The following CBFA2T3 variants were observed in gnomAD, a reference collection of about 807,000 sequenced individuals.
The protein encoded by CBFA2T3 is CBFA2/RUNX1 partner transcriptional co-repressor 3, also known as transcriptional corepressor CBFA2T3.
Under a neutral mutation model 58.6 loss-of-function variants are expected in CBFA2T3, and 31 were observed. That is an observed-to-expected ratio of 0.53 (90% CI 0.40 to 0.71). The LOEUF (loss-of-function observed/expected upper bound fraction) is 0.71. Ranked by LOEUF, CBFA2T3 falls within the 30% of genes least tolerant of loss-of-function variation. The probability of loss-of-function intolerance (pLI) is 0.00; values close to 1 mark genes in which losing one functional copy is unlikely to be tolerated. For synonymous variants in CBFA2T3, 531 were observed against 421.9 expected (o/e 1.26, Z -3.17); for missense variants, 1,076 against 963.1 (o/e 1.12, Z -1.55).
intron 1 of CBFA2T3, among the ~76,000 whole-genome samples, chr16:88,956,449 C>G (rs189700521): frequency 6.6e-6 from 1 of 152,374 alleles, no homozygotes; most frequent in Non-Finnish European, 1.5e-5. Context: ...AGGCTCAGAG[C>G]CCAGCAGCTC....
At chr16:88,973,870 C>T (rs542188349) in intron 1 of CBFA2T3, among the ~76,000 whole-genome samples, 1 of 152,000 alleles carries the variant, frequency 6.6e-6, no homozygotes, top group Non-Finnish European at 1.5e-5. Flanking sequence ...TGCCCAGTCC[C>T]CATAACATCT....
At chr16:88,877,815 G>A (rs1010618946) in intron 11 of CBFA2T3, among the ~76,000 whole-genome samples, 4 of 152,234 alleles carry the variant, frequency 2.6e-5, no homozygotes, top group Admixed American at 1.3e-4. Flanking sequence ...CAAAAAGCCT[G>A]TGGGCAGAGC....
At chr16:88,964,467 A>G (rs1298926736) in intron 1 of CBFA2T3, among the ~76,000 whole-genome samples, 1 of 152,144 alleles carries the variant, frequency 6.6e-6, no homozygotes, top group Non-Finnish European at 1.5e-5. Context: ...GTTGCAAGCT[A>G]CTTGTTGTTC....
intron 1 of CBFA2T3, chr16:88,902,307 AAGAC>A (rs1970130544): frequency 6.6e-6 from 1 of 152,290 alleles, no homozygotes; most frequent in Non-Finnish European, 1.5e-5. Context: ...CAGGACAGCC[AAGAC>A]AGAGGCGGCA....
intron 1 of CBFA2T3, among the ~76,000 whole-genome samples, chr16:88,920,053 G>A (rs1412778651): frequency 1.3e-5 from 2 of 152,238 alleles, no homozygotes; most frequent in Non-Finnish European, 2.9e-5. Flanking sequence ...CCCGCTCCCT[G>A]GGGTGGGCGT....
At chr16:88,883,014 G>A (rs1174864087) in intron 7 of CBFA2T3, among the ~76,000 whole-genome samples, 2 of 152,218 alleles carry the variant, frequency 1.3e-5, no homozygotes, top group Non-Finnish European at 2.9e-5. Flanking sequence ...TTCAGTCTCA[G>A]TCCCATTCTG....
At chr16:88,967,434 T>C (rs541281834) in intron 1 of CBFA2T3, among the ~76,000 whole-genome samples, 6 of 151,928 alleles carry the variant, frequency 3.9e-5, no homozygotes, top group African/African-American at 1.4e-4. Flanking sequence ...TGCGTCCACC[T>C]GTTCAGTTTT....
intron 1 of CBFA2T3, among the ~76,000 whole-genome samples, chr16:88,923,103 G>A (rs752867296): frequency 2.0e-5 from 3 of 152,178 alleles, no homozygotes; most frequent in Non-Finnish European, 2.9e-5. Context: ...TCCCCAATTC[G>A]CCAAATGTGG....
chr16:88,882,533 T>G, intron 8 of CBFA2T3, 143 bp downstream of exon 8: 1 of 640,196 alleles, frequency 1.6e-6, no homozygotes, highest in South Asian at 1.8e-5. Context: ...TGTGTGGGCA[T>G]GGCTGTGTGC....
chr16:88,940,066 CA>C lies in CBFA2T3; in HGVS notation c.151+36590del, dbSNP rs369398740. The C allele has an allele frequency of 2.9e-3, 438 of 153,016 alleles. 4 individuals carry two copies. The highest frequency in any genetic ancestry group is 0.022 in the East Asian group (115 of 5,192). The allele number at this position is 153,016 out of a possible 1,614,324, so 9.5% of individuals were successfully genotyped here. On this transcript the variant is annotated intron_variant, in intron 1 of 11. Transcript: ENST00000268679. ...AGAAGCCGCACCCTGGCTGGGGCCA[CA>C]AGCCTGACAGCTACCGACAAGCCCC...
At chr16:88,883,059 G>A (rs1176252812) in intron 7 of CBFA2T3, among the ~76,000 whole-genome samples, 1 of 152,232 alleles carries the variant, frequency 6.6e-6, no homozygotes, top group African/African-American at 2.4e-5. Context: ...AAGAGGATGT[G>A]TTTGCCTGTG....
Position 88,950,032 on chromosome 16 carries a change from G to A in CBFA2T3, c.151+26625C>T, listed in dbSNP as rs915716911. On this transcript the variant is annotated intron_variant, in intron 1 of 11. Transcript: ENST00000268679. ...AAAAAAGAAAAGAAAACGAAGGAAC[G>A]AAAACCCCCGCCACTCTCGAAGTCA... Among the ~76,000 whole-genome samples the A allele has an allele frequency of 1.6e-3, 242 of 151,152 alleles. 1 individual carries two copies. Among genetic ancestry groups the A allele is most frequent in the Non-Finnish European group, 4.4e-4 (30 of 67,566 alleles).
intron 3 of CBFA2T3, 45 bp from the exon 4 acceptor site, chr16:88,892,530 A>G (rs1476821307): frequency 1.2e-6 from 2 of 1,605,830 alleles, no homozygotes; most frequent in East Asian, 4.5e-5. Flanking sequence ...TGATGGTGAC[A>G]ACACAACCCA....
intron 1 of CBFA2T3, among the ~76,000 whole-genome samples, chr16:88,956,656 G>T (rs1383852690): frequency 6.6e-6 from 1 of 152,250 alleles, no homozygotes; most frequent in Non-Finnish European, 1.5e-5. Flanking sequence ...ACCCCAACCT[G>T]CAGCTGCCCC....
intron 5 of CBFA2T3, among the ~76,000 whole-genome samples, chr16:88,891,380 C>G (rs1185295568): frequency 6.6e-6 from 1 of 152,198 alleles, no homozygotes; most frequent in Non-Finnish European, 1.5e-5. Context: ...AAAGGACTTT[C>G]GGAATACTTC....
chr16:88,881,450 G>C lies in CBFA2T3; in HGVS notation c.1243C>G (p.Arg415Gly). ...CIMDMVEKTRRSLTVLRRCQE... is the reference protein window; with the variant it reads ...CIMDMVEKTRGSLTVLRRCQE... ...CACCTGCGCAGCACCGTGAGCGAGC[G>C]CCGCGTCTTCTCCACCATGTCCATG... The change falls in exon 9 of 12, where the codon CGC (arginine) becomes GGC (glycine). Residue 415 changes from arginine to glycine, a missense_variant. By Grantham distance (125) the Arg-to-Gly change is moderately radical. Transcript: ENST00000268679. 2.5e-6 allele frequency: 4 copies of C among 1,609,604 alleles called. No homozygotes were observed. Among genetic ancestry groups the C allele is most frequent in the Non-Finnish European group, 3.4e-6 (4 of 1,178,308 alleles).
chr16:88,902,031 A>G (rs945475495), intron 1 of CBFA2T3, among the ~76,000 whole-genome samples: 1 of 152,198 alleles, frequency 6.6e-6, no homozygotes, highest in African/African-American at 2.4e-5. Flanking sequence ...GGGGGTGTTC[A>G]GACAGACCTC....
intron 8 of CBFA2T3, 116 bp from the exon 9 acceptor site, chr16:88,881,605 C>T: frequency 9.4e-7 from 1 of 1,060,814 alleles, no homozygotes; most frequent in Non-Finnish European, 1.3e-6. Context: ...AGCCCACCGC[C>T]CGTGAGAGTA....
intron 1 of CBFA2T3, chr16:88,941,181 G>C: frequency 1.0e-6 from 1 of 982,210 alleles, no homozygotes; most frequent in Non-Finnish European, 1.2e-6. Context: ...CGGCGGGGCT[G>C]GGGCGCGCGG....
Sources: allele counts gnomAD v4.1 joint callset (sites outside exome capture counted in the v4.1 genomes callset), GRCh38; gene constraint gnomAD v4.1.1; transcripts MANE v1.5; gene names NCBI Gene and HGNC (gene_info 2026-07-23, HGNC 2026-07-21).